The following MERTK variants were observed in gnomAD, a reference collection of about 807,000 sequenced individuals.
MERTK encodes tyrosine-protein kinase Mer.
MERTK carries 69 observed loss-of-function variants against 99.3 expected under a neutral mutation model. That is an observed-to-expected ratio of 0.70 (90% CI 0.57 to 0.85). The LOEUF (loss-of-function observed/expected upper bound fraction) is 0.85. MERTK is among the 40% of genes least tolerant of loss of function. The probability of loss-of-function intolerance (pLI) is 0.00; values close to 1 mark genes in which losing one functional copy is unlikely to be tolerated. For synonymous variants in MERTK, 426 were observed against 467.6 expected, an observed-to-expected ratio of 0.91 and a Z score of 1.15; for missense variants, 1,125 against 1,249.4, an observed-to-expected ratio of 0.90 and a Z score of 1.50.
chr2:111,927,277 G>A (rs1020081304), intron 1 of MERTK, among the ~76,000 whole-genome samples: 3 of 152,214 alleles, frequency 2.0e-5, no homozygotes, highest in Non-Finnish European at 4.4e-5. Flanking sequence ...ATGGGAGAGG[G>A]AGCTGCATGG....
At chr2:111,972,868 C>G (rs1410290812) in intron 6 of MERTK, among the ~76,000 whole-genome samples, 1 of 152,192 alleles carries the variant, frequency 6.6e-6, no homozygotes, top group East Asian at 1.9e-4. Flanking sequence ...TAAAAGTTAT[C>G]TTTTCTATTC....
At chr2:111,974,523 G>A (rs1013172888) in intron 6 of MERTK, among the ~76,000 whole-genome samples, 1 of 151,960 alleles carries the variant, frequency 6.6e-6, no homozygotes, top group East Asian at 1.9e-4. Context: ...TAATCCCAGC[G>A]CTTTGGAAGT....
At chr2:111,899,678 CG>C (rs1684007661) in intron 1 of MERTK, among the ~76,000 whole-genome samples, 1 of 152,058 alleles carries the variant, frequency 6.6e-6, no homozygotes, top group Non-Finnish European at 1.5e-5. Context: ...CTACCACGTC[CG>C]GCTAATTTTT....
intron 1 of MERTK, among the ~76,000 whole-genome samples, chr2:111,905,733 T>G (rs1269919544): frequency 3.3e-5 from 5 of 152,152 alleles, no homozygotes; most frequent in African/African-American, 1.2e-4. Context: ...CCTCCCAAAG[T>G]GCTGGGATTA....
At chr2:111,937,392 C>G (rs1306097775) in intron 2 of MERTK, among the ~76,000 whole-genome samples, 1 of 152,130 alleles carries the variant, frequency 6.6e-6, no homozygotes, top group Non-Finnish European at 1.5e-5. Context: ...TTTGAAGCTG[C>G]AGTGAGCCAT....
At chr2:111,983,114 A>G (rs1404182924) in intron 8 of MERTK, 121 bp downstream of exon 8, 1 of 1,092,486 alleles carries the variant, frequency 9.2e-7, no homozygotes, top group Middle Eastern at 2.0e-4. Context: ...TAGGCAAGGC[A>G]CCTTTCAGGG....
chr2:112,012,481 G>A (rs1677126953), intron 15 of MERTK, among the ~76,000 whole-genome samples: 1 of 152,080 alleles, frequency 6.6e-6, no homozygotes, highest in Admixed American at 6.5e-5. Flanking sequence ...CCCGGTGGAG[G>A]CTGCATGGAG....
chr2:111,915,121 T>G (rs768101485), intron 1 of MERTK, among the ~76,000 whole-genome samples: 17 of 152,166 alleles, frequency 1.1e-4, no homozygotes, highest in Non-Finnish European at 1.8e-4. Flanking sequence ...ATTGTGATAG[T>G]TTATGTTTTT....
Position 112,029,253 on chromosome 2 carries a change from AT to A in MERTK, c.*392del, listed in dbSNP as rs780734852. The A allele has an allele frequency of 1.0e-4, 100 of 985,538 alleles. No individual in the cohort carries two copies. Among genetic ancestry groups the A allele is most frequent in the Non-Finnish European group, 1.2e-4 (99 of 824,180 alleles). The allele number at this position is 985,538 out of a possible 1,614,324, so 61.0% of individuals were successfully genotyped here. Reference sequence around the variant, plus strand: ...AAATATTTGTAAAATGAAATGCCATATTTGACTTGGCTTCTGGTCTTGATGT... The same window carrying A: ...AAATATTTGTAAAATGAAATGCCATATTGACTTGGCTTCTGGTCTTGATGT... On this transcript the variant is annotated 3_prime_UTR_variant, in exon 19 of 19. Coordinates refer to ENST00000295408, the MANE Select transcript of MERTK (RefSeq NM_006343.3).
chr2:111,984,251 C>T (rs1398001460), intron 8 of MERTK, among the ~76,000 whole-genome samples: 1 of 152,084 alleles, frequency 6.6e-6, no homozygotes, highest in Non-Finnish European at 1.5e-5. Context: ...TTGAATGAGG[C>T]CCAGCCACAC....
chr2:111,902,770 C>T (rs961632672), intron 1 of MERTK, among the ~76,000 whole-genome samples: 2 of 81,680 alleles, frequency 2.4e-5, no homozygotes, highest in Admixed American at 3.5e-4. Flanking sequence ...TGATCAGTTC[C>T]TTCCTTCCTT....
intron 1 of MERTK, among the ~76,000 whole-genome samples, chr2:111,910,650 T>C (rs1183630703): frequency 6.6e-6 from 1 of 151,630 alleles, no homozygotes; most frequent in East Asian, 1.9e-4. Flanking sequence ...CTATTAAATA[T>C]TTAGCCATAA....
chr2:112,006,307 C>T (rs770614238), intron 13 of MERTK, among the ~76,000 whole-genome samples: 1 of 151,780 alleles, frequency 6.6e-6, no homozygotes, highest in African/African-American at 2.4e-5. Flanking sequence ...AGCCAAAGGA[C>T]ATTGCAGTTA....
At chr2:111,995,876 G>C (rs1472609774) in intron 9 of MERTK, among the ~76,000 whole-genome samples, 2 of 152,156 alleles carry the variant, frequency 1.3e-5, no homozygotes, top group Non-Finnish European at 2.9e-5. Context: ...GAGCCCAGGA[G>C]GTGGAGGTTG....
intron 1 of MERTK, among the ~76,000 whole-genome samples, chr2:111,915,173 G>A (rs1458325616): frequency 6.6e-6 from 1 of 152,168 alleles, no homozygotes; most frequent in Non-Finnish European, 1.5e-5. Context: ...AAATTCATGT[G>A]TGGTTATTTG....
intron 18 of MERTK, among the ~76,000 whole-genome samples, chr2:112,027,238 G>A (rs577128603): frequency 2.9e-4 from 42 of 145,204 alleles, no homozygotes; most frequent in African/African-American, 1.0e-3. Context: ...ATATTAATTG[G>A]CATGCATATA....
At chr2:112,006,423 A>G (rs1676981555) in intron 13 of MERTK, among the ~76,000 whole-genome samples, 1 of 152,108 alleles carries the variant, frequency 6.6e-6, no homozygotes, top group African/African-American at 2.4e-5. Context: ...TAGAATACTC[A>G]CTGGAGCTGA....
rs777376015 is a variant in MERTK, at chr2:111,975,287, A to G, written c.961-2A>G. On this transcript the variant is annotated splice_acceptor_variant, in intron 6 of 18. Transcript: ENST00000295408. LOFTEE classifies it high-confidence loss of function. ...CGGTCCTCATGTTTACTCTTCGTTT[A>G]GGTCAAGGAAGCTGATCCGCTGAGT... 6.2e-7 allele frequency: 1 copy of G among 1,614,162 alleles called. No homozygotes were observed. Among genetic ancestry groups the G allele is most frequent in the Non-Finnish European group, 8.5e-7 (1 of 1,179,994 alleles).
At chr2:111,928,974 A>T in intron 1 of MERTK, 146 bp from the exon 2 acceptor site, 1 of 769,886 alleles carries the variant, frequency 1.3e-6, no homozygotes, top group Non-Finnish European at 2.2e-6. Flanking sequence ...ATATGTCCAG[A>T]TGTGTGTGTT....
Sources: gnomAD v4.1 joint callset for allele counts (sites outside exome capture counted in the v4.1 genomes callset) on GRCh38, gnomAD v4.1.1 for gene constraint, MANE v1.5 for transcripts, NCBI Gene and HGNC (gene_info 2026-07-23, HGNC 2026-07-21) for gene names.